Variants in DMXL2 observed in about 807,000 individuals in gnomAD.
DMXL2 encodes dmX-like protein 2.
In DMXL2, 103 loss-of-function variants were observed where a neutral mutation model predicts 331.1. That is an observed-to-expected ratio of 0.31 (90% CI 0.27 to 0.37). The LOEUF (loss-of-function observed/expected upper bound fraction) is 0.37. Ranked by LOEUF, DMXL2 falls within the 10% of genes least tolerant of loss-of-function variation. The pLI is 1.00. For missense variants in DMXL2, 3,171 were observed against 3,642.9 expected (o/e 0.87, Z 3.33); for synonymous variants, 1,281 against 1,252.1 (o/e 1.02, Z -0.49).
At chr15:51,527,038 A>G (rs947636955) in intron 13 of DMXL2, among the ~76,000 whole-genome samples, 1 of 152,226 alleles carries the variant, frequency 6.6e-6, no homozygotes, top group African/African-American at 2.4e-5. Flanking sequence ...GAGTACAAGA[A>G]GGCTATAGAA....
At chr15:51,484,941 A>C (rs891021772) in intron 23 of DMXL2, among the ~76,000 whole-genome samples, 1 of 151,974 alleles carries the variant, frequency 6.6e-6, no homozygotes, top group Admixed American at 6.5e-5. Context: ...TGAAATAAAA[A>C]ATATAATCAA....
intron 1 of DMXL2, among the ~76,000 whole-genome samples, chr15:51,596,438 T>C (rs1315252364): frequency 2.0e-5 from 3 of 152,138 alleles, no homozygotes; most frequent in African/African-American, 7.2e-5. Context: ...CTGGAGAGGA[T>C]GTGGAGAAAT....
At chr15:51,541,553 C>T (rs1043577219) in intron 9 of DMXL2, among the ~76,000 whole-genome samples, 2 of 152,016 alleles carry the variant, frequency 1.3e-5, no homozygotes, top group African/African-American at 4.8e-5. Context: ...GTTACCACTG[C>T]AGATCACCCT....
chr15:51,534,689 G>C lies in DMXL2; in HGVS notation c.2436+974C>G, dbSNP rs541651292. 2.0e-5 allele frequency among the ~76,000 whole-genome samples: 3 copies of C among 152,150 alleles called. No homozygotes were observed. The East Asian group carries it at 5.8e-4, about 29-fold the overall frequency. On this transcript the variant is annotated intron_variant, in intron 13 of 43. Coordinates refer to ENST00000560891, the MANE Select transcript of DMXL2 (RefSeq NM_001378457.1). ...TCAAACCTTAAGCTCCAATCCAAAT[G>C]GTTTTCTCACTGTTTCTGGAACAAG...
At chr15:51,455,323 A>G in intron 39 of DMXL2, 95 bp from the exon 40 acceptor site, 2 of 1,006,818 alleles carry the variant, frequency 2.0e-6, no homozygotes, top group Non-Finnish European at 3.1e-6. Flanking sequence ...CTACTAAATA[A>G]ACATTCTGCC....
chr15:51,459,521 A>G, intron 34 of DMXL2, 77 bp downstream of exon 34: 2 of 1,209,764 alleles, frequency 1.7e-6, no homozygotes, highest in Non-Finnish European at 2.2e-6. Flanking sequence ...TGGGCAGGTC[A>G]TGGTTAGTAT....
At chr15:51,483,803 A>G (rs2042193068) in intron 23 of DMXL2, among the ~76,000 whole-genome samples, 1 of 151,516 alleles carries the variant, frequency 6.6e-6, no homozygotes, top group Non-Finnish European at 1.5e-5. Context: ...CCTGTGGGCT[A>G]TCCCTGGTGG....
At chr15:51,497,075 C>T (rs1175808815) in intron 18 of DMXL2, among the ~76,000 whole-genome samples, 1 of 152,146 alleles carries the variant, frequency 6.6e-6, no homozygotes, top group Admixed American at 6.5e-5. Flanking sequence ...ACAGTAAAAA[C>T]TAATATATAT....
chr15:51,453,390 T>C (rs749524033), intron 41 of DMXL2, 160 bp downstream of exon 41: 14 of 505,178 alleles, frequency 2.8e-5, no homozygotes, highest in Non-Finnish European at 4.4e-5. Flanking sequence ...TGCTTTTCTC[T>C]TTTTGGTAAG....
chr15:51,530,587 TAAA>T (rs550510463), intron 13 of DMXL2, among the ~76,000 whole-genome samples: 3 of 120,188 alleles, frequency 2.5e-5, no homozygotes, highest in Admixed American at 8.5e-5. Context: ...CCATCTCTAC[TAAA>T]AAAAAAAAAA....
In DMXL2 at chr15:51,455,243, T is replaced by C. The variant is rs1251536799; in HGVS notation, c.8527-15A>G. The C allele has an allele frequency of 1.2e-6, 2 of 1,606,638 alleles. No individual in the cohort carries two copies. The highest frequency in any genetic ancestry group is 1.7e-6 in the Non-Finnish European group (2 of 1,173,184). On this transcript the variant is annotated splice_polypyrimidine_tract_variant and intron_variant, in intron 39 of 43. Transcript: ENST00000560891. ...GCAACACCACACTGTAAGAACAGTA[T>C]AACTACTAAACACATGTTCTTAGCA...
Position 51,471,301 on chromosome 15 carries a change from C to A in DMXL2, c.7314G>T (p.Pro2438=), listed in dbSNP as rs149207084. The change falls in exon 29 of 44, where the codon CCG becomes CCT. Residue 2438 remains proline (P), a synonymous_variant. Coordinates refer to ENST00000560891, the MANE Select transcript of DMXL2 (RefSeq NM_001378457.1). ...GRPVKDATPP[P]VPAERPSYKE... ...TGTAAGATGGTCTTTCTGCAGGCAC[C>A]GGTGGTGGGGTAGCATCTTTTACAG... 16 of 1,613,756 alleles carry A rather than the reference C, an allele frequency of 9.9e-6. No individual in the cohort carries two copies. Among genetic ancestry groups the A allele is most frequent in the African/African-American group, 1.3e-5 (1 of 74,874 alleles).
At chr15:51,595,729 T>C (rs10438321) in intron 1 of DMXL2, among the ~76,000 whole-genome samples, 72,874 of 151,834 alleles carry the variant, frequency 0.48, 17,836 homozygotes, top group Non-Finnish European at 0.52. Flanking sequence ...GAGATATAGA[T>C]CAATGGAACA....
chr15:51,495,201 T>C (rs2043088360), intron 18 of DMXL2, 67 bp from the exon 19 acceptor site: 2 of 931,646 alleles, frequency 2.1e-6, no homozygotes, highest in Non-Finnish European at 3.4e-6. Context: ...TGATAAGCTA[T>C]AAAACAAACA....
chr15:51,514,021 G>A (rs1596076732), intron 15 of DMXL2, among the ~76,000 whole-genome samples: 1 of 152,018 alleles, frequency 6.6e-6, no homozygotes, highest in African/African-American at 2.4e-5. Context: ...TTTCCATGAG[G>A]TTTCTAGTGT....
chr15:51,564,253 T>C lies in DMXL2; in HGVS notation c.372A>G (p.Arg124=). 1 of 1,577,906 alleles carries C rather than the reference T, an allele frequency of 6.3e-7. No homozygotes were observed. Among genetic ancestry groups the C allele is most frequent in the Non-Finnish European group, 8.6e-7 (1 of 1,168,302 alleles). Reference sequence around the variant, plus strand: ...GAATAGAATCAGTTGCTGTCAACAATCTATTATCTGAAAATTAAAGAATGT... The same window carrying C: ...GAATAGAATCAGTTGCTGTCAACAACCTATTATCTGAAAATTAAAGAATGT... ...YNLAWDPQDN[R]LLTATDSIQL... is the part of the protein sequence containing the mutation. Residue 124 remains arginine, a synonymous_variant, in exon 5 of 44, where the codon AGA becomes AGG. Transcript: ENST00000560891.
chr15:51,556,455 T>C (rs1292337601), intron 6 of DMXL2, among the ~76,000 whole-genome samples: 2 of 150,598 alleles, frequency 1.3e-5, no homozygotes, highest in African/African-American at 4.9e-5. Context: ...ACAAAATCAG[T>C]CCATGTATTT....
intron 6 of DMXL2, among the ~76,000 whole-genome samples, chr15:51,554,979 G>A (rs770409932): frequency 3.3e-5 from 5 of 152,106 alleles, no homozygotes; most frequent in Non-Finnish European, 5.9e-5. Context: ...CCATCATGAC[G>A]AAACTCCGTC....
At position 51,456,061 on chromosome 15, in the gene DMXL2, C is replaced by T. The variant is rs1278210886; in HGVS notation, c.8526+5G>A. On this transcript the variant is annotated splice_donor_5th_base_variant and intron_variant, in intron 39 of 43. Coordinates refer to ENST00000560891, the MANE Select transcript of DMXL2 (RefSeq NM_001378457.1). ...TGAATTCAGCAGTAGCCCCCAGAAACTAACCTTGTTGCCTTGTGAATTAAA... is the reference window on the plus strand; with the variant it reads ...TGAATTCAGCAGTAGCCCCCAGAAATTAACCTTGTTGCCTTGTGAATTAAA... The T allele has an allele frequency of 6.2e-7, 1 of 1,613,916 alleles. No homozygotes were observed. Among genetic ancestry groups the T allele is most frequent in the East Asian group, 2.2e-5 (1 of 44,878 alleles).
Sources: allele counts gnomAD v4.1 joint callset (sites outside exome capture counted in the v4.1 genomes callset), GRCh38; gene constraint gnomAD v4.1.1; transcripts MANE v1.5; gene names NCBI Gene and HGNC (gene_info 2026-07-23, HGNC 2026-07-21).